The following KCNH1 variants were observed in gnomAD, a reference collection of about 807,000 sequenced individuals.
KCNH1 encodes the protein potassium voltage-gated channel subfamily H member 1.
In KCNH1, 27 loss-of-function variants were observed where a neutral mutation model predicts 69.2. The observed-to-expected ratio is 0.39, with a 90% CI of 0.29 to 0.54. The LOEUF (loss-of-function observed/expected upper bound fraction) is 0.54, where lower values mean the gene tolerates loss of function less well. KCNH1 is among the 20% of genes least tolerant of loss of function. The probability of loss-of-function intolerance (pLI) is 0.68; values close to 1 mark genes in which losing one functional copy is unlikely to be tolerated. For missense variants in KCNH1, 798 were observed against 1,261.6 expected (o/e 0.63, Z 5.57); for synonymous variants, 456 against 487.7 (o/e 0.93, Z 0.86).
At chr1:210,739,112 G>A (rs1289818713) in intron 10 of KCNH1, among the ~76,000 whole-genome samples, 1 of 152,082 alleles carries the variant, frequency 6.6e-6, no homozygotes, top group Non-Finnish European at 1.5e-5. Context: ...TGATATTCTA[G>A]GAATGATCCT....
chr1:210,900,437 G>T (rs1466630760), intron 7 of KCNH1, among the ~76,000 whole-genome samples: 1 of 152,210 alleles, frequency 6.6e-6, no homozygotes, highest in Non-Finnish European at 1.5e-5. Context: ...GATAAGCCAA[G>T]ATTACTGTTT....
chr1:210,866,824 A>G (rs11580309), intron 7 of KCNH1, among the ~76,000 whole-genome samples: 37,743 of 152,044 alleles, frequency 0.25, 4,988 homozygotes, highest in African/African-American at 0.35. Flanking sequence ...GTTCATAGGA[A>G]CATTGTTCAT....
intron 5 of KCNH1, among the ~76,000 whole-genome samples, chr1:211,057,060 G>T (rs1690323821): frequency 1.3e-5 from 2 of 152,140 alleles, no homozygotes; most frequent in South Asian, 4.1e-4. Flanking sequence ...ATCCCAGAGA[G>T]ACAGAGATAT....
At position 211,082,837 on chromosome 1, in the gene KCNH1, C is replaced by T; in HGVS notation, c.501G>A (p.Gln167=). 6.2e-7 allele frequency: 1 copy of T among 1,614,198 alleles called. No individual in the cohort carries two copies. Among genetic ancestry groups the T allele is most frequent in the Non-Finnish European group, 8.5e-7 (1 of 1,180,020 alleles). ...ALTSSRGVLQ[Q]LAPSVQKGEN... is the part of the protein sequence containing the mutation. ...CGCCTTTTTGCACGCTTGGAGCCAG[C>T]TGCTGCAGGACACCCCTGCTGCTTG... The change falls in exon 5 of 11, where the codon CAG becomes CAA. Residue 167 remains glutamine, a synonymous_variant. Coordinates refer to ENST00000271751, the MANE Select transcript of KCNH1 (RefSeq NM_172362.3).
At chr1:210,853,956 A>AAAAAAACAAC (rs1397741774) in intron 7 of KCNH1, among the ~76,000 whole-genome samples, 11 of 147,490 alleles carry the variant, frequency 7.5e-5, no homozygotes, top group Non-Finnish European at 1.3e-4. Flanking sequence ...CAAAAAAAAA[A>AAAAAAACAAC]AAAAAAAAAA....
intron 9 of KCNH1, among the ~76,000 whole-genome samples, chr1:210,793,898 G>A (rs1270531405): frequency 1.3e-5 from 2 of 152,204 alleles, no homozygotes; most frequent in African/African-American, 4.8e-5. Flanking sequence ...AGTGATGGCT[G>A]TCTTTCCACT....
rs60571435 is a variant in KCNH1 at position 210,746,786 on chromosome 1, A to G, written c.2112+28562T>C. ...GGTCTTGAACTCCTGACCTCAAGTG[A>G]TCCACCCGCCTCAGCCTTCCAAAGT... On this transcript the variant is annotated intron_variant, in intron 10 of 10. Transcript: ENST00000271751. 5.3e-3 allele frequency among the ~76,000 whole-genome samples: 813 copies of G among 152,184 alleles called. 6 individuals carry two copies. The highest frequency in any genetic ancestry group is 0.019 in the African/African-American group (770 of 41,514).
chr1:210,685,018 G>A (rs116734165), intron 10 of KCNH1, among the ~76,000 whole-genome samples: 65 of 152,290 alleles, frequency 4.3e-4, no homozygotes, highest in Non-Finnish European at 7.6e-4. Context: ...CCCCAGATCC[G>A]TTAGGTGGCC....
At chr1:210,917,229 G>GAGAGAA (rs1430374011) in intron 7 of KCNH1, among the ~76,000 whole-genome samples, 1,458 of 78,628 alleles carry the variant, frequency 0.019, 22 homozygotes, top group East Asian at 0.072. Context: ...GAGAGAGAGA[G>GAGAGAA]AGAAAGAAAG....
chr1:211,004,777 T>G (rs1689247333), intron 6 of KCNH1, among the ~76,000 whole-genome samples: 1 of 152,080 alleles, frequency 6.6e-6, no homozygotes, highest in Non-Finnish European at 1.5e-5. Flanking sequence ...ATAGCAAGGT[T>G]TATGTTAAGG....
chr1:210,862,456 C>T (rs765076983), intron 7 of KCNH1, among the ~76,000 whole-genome samples: 33 of 152,212 alleles, frequency 2.2e-4, no homozygotes, highest in Non-Finnish European at 3.4e-4. Flanking sequence ...CCACCTCAGC[C>T]TCCCAAGTAG....
At chr1:210,858,292 A>G (rs1685899195) in intron 7 of KCNH1, 1 of 152,204 alleles carries the variant, frequency 6.6e-6, no homozygotes, top group South Asian at 2.1e-4. Context: ...CTACACTGAC[A>G]GCTTTAAGAA....
intron 7 of KCNH1, among the ~76,000 whole-genome samples, chr1:210,846,316 C>G (rs1435356723): frequency 6.6e-6 from 1 of 152,188 alleles, no homozygotes. Flanking sequence ...ATCACGCTGC[C>G]TGACTTCAAA....
chr1:210,844,122 T>C (rs531704610), intron 7 of KCNH1, among the ~76,000 whole-genome samples: 1 of 152,316 alleles, frequency 6.6e-6, no homozygotes, highest in Non-Finnish European at 1.5e-5. Context: ...GCTGAATTTT[T>C]GGTAAAAACA....
chr1:210,920,596 G>A (rs1687438832), intron 6 of KCNH1, among the ~76,000 whole-genome samples: 1 of 151,706 alleles, frequency 6.6e-6, no homozygotes. Context: ...GAAATTACAG[G>A]CAATTTTATA....
chr1:210,864,061 T>C (rs756388530), intron 7 of KCNH1, among the ~76,000 whole-genome samples: 3 of 152,222 alleles, frequency 2.0e-5, no homozygotes, highest in Admixed American at 6.5e-5. Context: ...CATGAGTTCA[T>C]TGCTAAGGGT....
intron 7 of KCNH1, among the ~76,000 whole-genome samples, chr1:210,911,799 GATGTCCTCCCACA>G (rs1377794158): frequency 1.3e-5 from 2 of 152,112 alleles, no homozygotes; most frequent in African/African-American, 4.8e-5. Flanking sequence ...GAACAAGGAT[GATGTCCTCCCACA>G]ATACACACAA....
intron 10 of KCNH1, among the ~76,000 whole-genome samples, chr1:210,690,700 G>A (rs116427236): frequency 0.017 from 2,581 of 152,228 alleles, 35 homozygotes; most frequent in Middle Eastern, 0.031. Flanking sequence ...TTTTCTCCTC[G>A]GTATCATGAT....
intron 10 of KCNH1, among the ~76,000 whole-genome samples, chr1:210,726,790 A>T (rs1682603052): frequency 6.6e-6 from 1 of 151,800 alleles, no homozygotes; most frequent in Non-Finnish European, 1.5e-5. Flanking sequence ...AGTGGTTCAG[A>T]ACCATGGACA....
Sources: allele counts gnomAD v4.1 joint callset (sites outside exome capture counted in the v4.1 genomes callset), GRCh38; gene constraint gnomAD v4.1.1; transcripts MANE v1.5; gene names NCBI Gene and HGNC (gene_info 2026-07-23, HGNC 2026-07-21).